The following CNTN5 variants were observed in gnomAD, a reference collection of about 807,000 sequenced individuals.
The protein encoded by CNTN5 is contactin 5.
CNTN5 carries 77 observed loss-of-function variants against 129.1 expected under a neutral mutation model. The ratio of observed to expected loss-of-function variants is 0.60; its 90% CI spans 0.50 to 0.72. CNTN5 has a LOEUF of 0.72. CNTN5 is among the 30% of genes least tolerant of loss of function. The pLI is 0.00. For synonymous variants in CNTN5, 509 were observed against 465.6 expected (o/e 1.09, Z -1.20); for missense variants, 1,478 against 1,328.8 (o/e 1.11, Z -1.75).
chr11:99,835,082 G>A (rs923442287), intron 4 of CNTN5, among the ~76,000 whole-genome samples: 3 of 152,300 alleles, frequency 2.0e-5, no homozygotes, highest in Admixed American at 6.5e-5. Flanking sequence ...TCCCCTCCAA[G>A]GAGACTCTGT....
At position 99,144,372 on chromosome 11, in the gene CNTN5, T is replaced by G. The variant is rs200640209; in HGVS notation, c.-210+123102T>G. Among the ~76,000 whole-genome samples, 3 of 152,184 alleles carry G rather than the reference T, an allele frequency of 2.0e-5. No homozygotes were observed. The East Asian group carries it at 5.8e-4, about 29-fold the overall frequency. ...ATTCTAAAGCAAAGGAAATTCTTGG[T>G]GCCATATTTCATAAGAGAAGTTATT... On this transcript the variant is annotated intron_variant, in intron 1 of 24. Coordinates refer to ENST00000524871, the MANE Select transcript of CNTN5 (RefSeq NM_014361.4).
chr11:99,047,934 A>G (rs1864278481), intron 1 of CNTN5, among the ~76,000 whole-genome samples: 1 of 152,074 alleles, frequency 6.6e-6, no homozygotes, highest in African/African-American at 2.4e-5. Context: ...GTTATGTTAA[A>G]TGTATCTAAC....
At chr11:99,462,627 T>C (rs181573420) in intron 2 of CNTN5, among the ~76,000 whole-genome samples, 7 of 152,326 alleles carry the variant, frequency 4.6e-5, no homozygotes, top group African/African-American at 1.7e-4. Context: ...CAGCAAAGAC[T>C]GGAGTTAACA....
intron 2 of CNTN5, among the ~76,000 whole-genome samples, chr11:99,473,034 A>G (rs1485285507): frequency 6.6e-6 from 1 of 152,192 alleles, no homozygotes; most frequent in African/African-American, 2.4e-5. Context: ...TAATGCTGCC[A>G]GAAGAAGTGA....
At chr11:99,921,859 G>A (rs1442801524) in intron 7 of CNTN5, among the ~76,000 whole-genome samples, 2 of 152,116 alleles carry the variant, frequency 1.3e-5, no homozygotes, top group Non-Finnish European at 2.9e-5. Flanking sequence ...GAAAAAAACA[G>A]ATCAGCTATG....
At position 100,299,095 on chromosome 11, in the gene CNTN5, GAA is replaced by G. The variant is rs1269618831; in HGVS notation, c.2386-66_2386-65del. 552 of 1,051,586 alleles carry G rather than the reference GAA, an allele frequency of 5.2e-4. 1 individual carries two copies. In the East Asian group the frequency reaches 9.6e-3, roughly 18 times the overall value. 65.1% of individuals were successfully genotyped at this position (1,051,586 alleles called of 1,614,324 possible). A position where few individuals can be genotyped will look rare whatever the true frequency, so the allele number is the denominator to read the frequency against. ...GCTATCTATAATTTTTTTTAATTAA[GAA>G]TTTGGAGAAAGTGGATTTTTAATCA... is the stretch of plus-strand genomic sequence containing the variant. On this transcript the variant is annotated intron_variant, in intron 19 of 24. Coordinates refer to ENST00000524871, the MANE Select transcript of CNTN5 (RefSeq NM_014361.4).
At chr11:100,120,830 T>A (rs1473103713) in intron 13 of CNTN5, among the ~76,000 whole-genome samples, 2 of 151,966 alleles carry the variant, frequency 1.3e-5, no homozygotes, top group Non-Finnish European at 2.9e-5. Flanking sequence ...TTAGTCATAA[T>A]GTAATAAAAA....
intron 1 of CNTN5, among the ~76,000 whole-genome samples, chr11:99,068,493 T>A (rs1431663517): frequency 1.3e-5 from 2 of 152,128 alleles, no homozygotes; most frequent in East Asian, 3.9e-4. Context: ...TATTAGAATG[T>A]TAGGGGATAC....
chr11:99,268,604 T>C (rs1243700467), intron 1 of CNTN5, among the ~76,000 whole-genome samples: 1 of 151,962 alleles, frequency 6.6e-6, no homozygotes, highest in African/African-American at 2.4e-5. Flanking sequence ...GTATCTTTAA[T>C]GTGCAAGCCA....
chr11:99,059,838 G>A (rs1468387667), intron 1 of CNTN5, among the ~76,000 whole-genome samples: 1 of 152,008 alleles, frequency 6.6e-6, no homozygotes, highest in African/African-American at 2.4e-5. Flanking sequence ...GATGGGTAAA[G>A]TTTAATTCCA....
intron 1 of CNTN5, among the ~76,000 whole-genome samples, chr11:99,137,794 A>T (rs936899052): frequency 6.7e-6 from 1 of 148,556 alleles, no homozygotes; most frequent in African/African-American, 2.5e-5. Flanking sequence ...TAGAAACTTC[A>T]TAAGTATACA....
At chr11:99,611,032 C>T (rs1372907222) in intron 3 of CNTN5, among the ~76,000 whole-genome samples, 2 of 152,118 alleles carry the variant, frequency 1.3e-5, no homozygotes, top group Admixed American at 6.6e-5. Context: ...ACTCAAGGTG[C>T]TGGTGAATGA....
intron 15 of CNTN5, among the ~76,000 whole-genome samples, chr11:100,219,821 T>A (rs1949222694): frequency 6.6e-6 from 1 of 152,216 alleles, no homozygotes; most frequent in South Asian, 2.1e-4. Context: ...GTTTTACTTC[T>A]GATAACATGT....
chr11:99,826,105 G>A (rs1946947934), intron 4 of CNTN5, among the ~76,000 whole-genome samples: 1 of 152,028 alleles, frequency 6.6e-6, no homozygotes, highest in Admixed American at 6.6e-5. Flanking sequence ...ATAGATATAA[G>A]TGTATTTTAT....
chr11:100,223,556 A>G (rs1949311907), intron 15 of CNTN5, among the ~76,000 whole-genome samples: 1 of 152,164 alleles, frequency 6.6e-6, no homozygotes, highest in South Asian at 2.1e-4. Context: ...AAATTCTTAA[A>G]TAATTATCAG....
chr11:99,492,277 A>G (rs1946065947), intron 2 of CNTN5, among the ~76,000 whole-genome samples: 1 of 152,072 alleles, frequency 6.6e-6, no homozygotes, highest in Non-Finnish European at 1.5e-5. Flanking sequence ...TCATTATGAA[A>G]AACAAAGATC....
At chr11:99,982,171 AGCT>A (rs2137364164) in intron 8 of CNTN5, among the ~76,000 whole-genome samples, 1 of 152,330 alleles carries the variant, frequency 6.6e-6, no homozygotes, top group South Asian at 2.1e-4. Context: ...GAATGACTAA[AGCT>A]ATTTAGAAGA....
chr11:99,574,316 A>T (rs941785309), intron 3 of CNTN5, among the ~76,000 whole-genome samples: 1 of 152,130 alleles, frequency 6.6e-6, no homozygotes, highest in African/African-American at 2.4e-5. Flanking sequence ...ATTGATGGGC[A>T]TTTGGGTTGA....
intron 3 of CNTN5, among the ~76,000 whole-genome samples, chr11:99,731,686 A>G (rs1943540087): frequency 6.6e-6 from 1 of 152,150 alleles, no homozygotes; most frequent in East Asian, 1.9e-4. Context: ...ATTTAATGAC[A>G]ATTTCATTCT....
Sources: gnomAD v4.1 joint callset for allele counts (sites outside exome capture counted in the v4.1 genomes callset) on GRCh38, gnomAD v4.1.1 for gene constraint, MANE v1.5 for transcripts, NCBI Gene and HGNC (gene_info 2026-07-23, HGNC 2026-07-21) for gene names.